TBC1D8: variants seen among roughly 807,000 people sequenced by gnomAD.
TBC1D8 encodes BUB2-like protein 1.
TBC1D8 carries 65 observed loss-of-function variants against 118.8 expected under a neutral mutation model. The observed-to-expected ratio is 0.55, with a 90% confidence interval of 0.45 to 0.67. TBC1D8 has a LOEUF of 0.67. TBC1D8 is among the 30% of genes least tolerant of loss of function. TBC1D8 has a pLI of 0.00. For synonymous variants in TBC1D8, 566 were observed against 595.8 expected, an observed-to-expected ratio of 0.95 and a Z score of 0.73; for missense variants, 1,376 against 1,471.2, an observed-to-expected ratio of 0.94 and a Z score of 1.06.
intron 1 of TBC1D8, among the ~76,000 whole-genome samples, chr2:101,141,781 G>A (rs1471110862): frequency 1.4e-5 from 2 of 146,540 alleles, no homozygotes; most frequent in Admixed American, 6.9e-5. Flanking sequence ...AAAGAATACA[G>A]AAAAACCACA....
In TBC1D8 at chr2:101,100,185, T is replaced by C. The variant is rs963659663; in HGVS notation, c.128-9821A>G. On this transcript the variant is annotated intron_variant, in intron 1 of 19. Transcript: ENST00000409318. ...AAGTCTCAGGATACAAAAATCAATG[T>C]GCAAAAATGACAAGCATTCCTATAC... Among the ~76,000 whole-genome samples, 6 of 152,258 alleles carry C rather than the reference T, an allele frequency of 3.9e-5. 1 individual carries two copies. The South Asian group carries it at 1.2e-3, about 32-fold the overall frequency.
chr2:101,015,869 T>C (rs1281310186), intron 17 of TBC1D8, among the ~76,000 whole-genome samples: 1 of 152,068 alleles, frequency 6.6e-6, no homozygotes, highest in East Asian at 1.9e-4. Context: ...TGGCTAGCCA[T>C]ATGTAGAAAG....
At chr2:101,110,630 G>A (rs1220967453) in intron 1 of TBC1D8, among the ~76,000 whole-genome samples, 2 of 152,142 alleles carry the variant, frequency 1.3e-5, no homozygotes, top group African/African-American at 4.8e-5. Context: ...TGCTAGGGCT[G>A]TTTGCTTTGG....
rs1338607267 is a variant in TBC1D8, at chr2:101,090,155, C to T, written c.283+54G>A. 4 of 1,549,762 alleles carry T rather than the reference C, an allele frequency of 2.6e-6. No homozygotes were observed. In the African/African-American group the frequency reaches 5.5e-5, roughly 21 times the overall value. On this transcript the variant is annotated intron_variant, in intron 2 of 19. Transcript: ENST00000409318. ...TTCAAGCTTCACCAACATGCAGATA[C>T]TCAGCATGCTTACACCTTAAGGTTT... is the stretch of plus-strand genomic sequence containing the variant.
intron 1 of TBC1D8, among the ~76,000 whole-genome samples, chr2:101,133,387 C>G (rs575982151): frequency 3.3e-5 from 5 of 152,234 alleles, no homozygotes; most frequent in African/African-American, 1.2e-4. Flanking sequence ...CCCTTCCCCT[C>G]TCCCTCTCTC....
In TBC1D8 at chr2:101,151,115, C is replaced by A; in HGVS notation, c.127+12G>T. ...GGCCCGGCCGCCGCGCCCGCCCCGG[C>A]GAGCCCCTTACCGGTGAGGCGGCCG... On this transcript the variant is annotated intron_variant, in intron 1 of 19. Coordinates refer to ENST00000409318, the MANE Select transcript of TBC1D8 (RefSeq NM_001330348.2). The A allele has an allele frequency of 9.4e-7, 1 of 1,061,458 alleles. No homozygotes were observed. Among genetic ancestry groups the A allele is most frequent in the South Asian group, 3.5e-5 (1 of 28,188 alleles). The allele number at this position is 1,061,458 out of a possible 1,614,324, so 65.8% of individuals were successfully genotyped here.
At chr2:101,054,369 G>C (rs1356413335) in intron 3 of TBC1D8, 33 bp from the exon 4 acceptor site, 1 of 1,548,078 alleles carries the variant, frequency 6.5e-7, no homozygotes. Flanking sequence ...CCTGCTCAGT[G>C]AGCCAGCAAT....
At chr2:101,118,752 C>T (rs1677965031) in intron 1 of TBC1D8, among the ~76,000 whole-genome samples, 3 of 151,794 alleles carry the variant, frequency 2.0e-5, no homozygotes, top group South Asian at 2.1e-4. Context: ...CGCCTGTAAT[C>T]CCAGCACTCT....
In TBC1D8 at chr2:101,040,255, T is replaced by C; in HGVS notation, c.1003A>G (p.Met335Val). The C allele has an allele frequency of 6.2e-7, 1 of 1,613,946 alleles. No homozygotes were observed. Among genetic ancestry groups the C allele is most frequent in the Admixed American group, 1.7e-5 (1 of 60,020 alleles). ...CAGATGTAGCTGTCAGAGGCGAACA[T>C]CCGCCCCGTGGTGTGACAGCGACTG... ...PFSRCHTTGR[M>V]FASDSYICFA... The change falls in exon 6 of 20, where the codon ATG (methionine) becomes GTG (valine). Residue 335 changes from methionine (M) to valine (V), a missense_variant. Met to Val is a conservative substitution (Grantham distance 21). Coordinates refer to ENST00000409318, the MANE Select transcript of TBC1D8 (RefSeq NM_001330348.2).
rs558063833 is a variant in TBC1D8, at chr2:101,013,859, C to T, written c.2828-2319G>A. The stretch of plus-strand genomic sequence containing the variant: ...AATCATCAAAATAATCCCATCTCCA[C>T]CATGCTTATTTTGCAAAAGCAGTAT... On this transcript the variant is annotated intron_variant, in intron 17 of 19. Transcript: ENST00000409318. 2.0e-5 allele frequency among the ~76,000 whole-genome samples: 3 copies of T among 152,336 alleles called. No homozygotes were observed. The South Asian group carries it at 6.2e-4, about 32-fold the overall frequency.
At chr2:101,021,451 TG>T (rs987065967) in intron 17 of TBC1D8, among the ~76,000 whole-genome samples, 2 of 152,130 alleles carry the variant, frequency 1.3e-5, no homozygotes, top group African/African-American at 4.8e-5. Context: ...CCCAGGAACT[TG>T]GTTTAACAGG....
chr2:101,044,120 C>T (rs1681552858), intron 5 of TBC1D8, among the ~76,000 whole-genome samples: 1 of 152,224 alleles, frequency 6.6e-6, no homozygotes, highest in African/African-American at 2.4e-5. Flanking sequence ...CTCACTTTCC[C>T]TGTAGACATC....
intron 17 of TBC1D8, among the ~76,000 whole-genome samples, chr2:101,011,862 G>A (rs4850956): frequency 0.49 from 74,884 of 152,048 alleles, 18,814 homozygotes; most frequent in Middle Eastern, 0.68. Context: ...TTGTAAAACT[G>A]AAATATATCC....
At chr2:101,009,000 A>G (rs946933049) in intron 19 of TBC1D8, among the ~76,000 whole-genome samples, 1 of 152,214 alleles carries the variant, frequency 6.6e-6, no homozygotes, top group Non-Finnish European at 1.5e-5. Flanking sequence ...TTGTTTTCTC[A>G]GTGTAATCTG....
intron 2 of TBC1D8, among the ~76,000 whole-genome samples, chr2:101,084,776 A>G (rs1334934444): frequency 6.6e-6 from 1 of 152,112 alleles, no homozygotes; most frequent in East Asian, 1.9e-4. Context: ...GTGGCAGGCA[A>G]CAAACATTTC....
intron 2 of TBC1D8, among the ~76,000 whole-genome samples, chr2:101,062,239 G>C (rs1432345641): frequency 6.6e-6 from 1 of 151,828 alleles, no homozygotes; most frequent in African/African-American, 2.4e-5. Flanking sequence ...GGTACTTTAA[G>C]ACCTTTTCTT....
At chr2:101,117,632 G>C (rs1017123280) in intron 1 of TBC1D8, among the ~76,000 whole-genome samples, 2 of 147,824 alleles carry the variant, frequency 1.4e-5, no homozygotes, top group Non-Finnish European at 3.0e-5. Flanking sequence ...GGAGTGCAGT[G>C]GCGCCATCTC....
intron 1 of TBC1D8, among the ~76,000 whole-genome samples, chr2:101,091,995 G>C (rs1676070311): frequency 6.6e-6 from 1 of 152,148 alleles, no homozygotes; most frequent in Admixed American, 6.5e-5. Flanking sequence ...TATAACCACA[G>C]TACAACCATC....
intron 3 of TBC1D8, among the ~76,000 whole-genome samples, chr2:101,054,840 G>A (rs62155476): frequency 0.25 from 37,805 of 150,806 alleles, 5,618 homozygotes; most frequent in Middle Eastern, 0.35. Context: ...GCACCACCAC[G>A]CTGGGCTAAT....
Sources: gnomAD v4.1 joint callset for allele counts (sites outside exome capture counted in the v4.1 genomes callset) on GRCh38, gnomAD v4.1.1 for gene constraint, MANE v1.5 for transcripts, NCBI Gene and HGNC (gene_info 2026-07-23, HGNC 2026-07-21) for gene names.